The following FGFRL1 variants were observed in gnomAD, a reference collection of about 807,000 sequenced individuals.
FGFRL1 encodes fibroblast growth factor receptor like 1, also known as fibroblast growth factor receptor-like 1.
In FGFRL1, 24 loss-of-function variants were observed where a neutral mutation model predicts 36.8. The ratio of observed to expected loss-of-function variants is 0.65; its 90% CI spans 0.47 to 0.92. The LOEUF is 0.92. Among genes scored for constraint, FGFRL1 ranks in the 40% least tolerant of loss-of-function variants. The pLI is 0.00. For missense variants in FGFRL1, 785 were observed against 753.4 expected (o/e 1.04, Z -0.49); for synonymous variants, 422 against 344.1 (o/e 1.23, Z -2.50).
chr4:1,016,273 C>T (rs909278306), intron 2 of FGFRL1, among the ~76,000 whole-genome samples: 3 of 151,650 alleles, frequency 2.0e-5, no homozygotes, highest in Non-Finnish European at 4.4e-5. Flanking sequence ...CTGCCAAGGT[C>T]TGCAGGCAGA....
At chr4:1,014,838 C>T (rs780443951) in intron 2 of FGFRL1, among the ~76,000 whole-genome samples, 1 of 152,180 alleles carries the variant, frequency 6.6e-6, no homozygotes, top group African/African-American at 2.4e-5. Flanking sequence ...GGGCCCCACT[C>T]CTGGAAGGGA....
chr4:1,014,123 C>T (rs1200610380), intron 2 of FGFRL1, among the ~76,000 whole-genome samples: 1 of 152,358 alleles, frequency 6.6e-6, no homozygotes, highest in East Asian at 1.9e-4. Flanking sequence ...GGCCAAGGAC[C>T]AGCATGCAGA....
chr4:1,025,091 C>A lies in FGFRL1; in HGVS notation c.1259C>A (p.Pro420Gln), dbSNP rs375985073. ...CCTCCCCTGCCTGGGCACCGCCCGC[C>A]GGGGACGGCCCGCGACCGCAGCGGA... ...PAPPLPGHRPPGTARDRSGDK... is the reference protein window; with the variant it reads ...PAPPLPGHRPQGTARDRSGDK... The change falls in exon 7 of 7, where the codon CCG (proline) becomes CAG (glutamine). Residue 420 changes from proline (P) to glutamine (Q), a missense_variant. Physicochemically the swap from Pro to Gln is moderately conservative, Grantham distance 76. Transcript: ENST00000510644. 5.2e-5 allele frequency: 83 copies of A among 1,610,296 alleles called. No individual in the cohort carries two copies. The African/African-American group carries it at 9.5e-4, about 18-fold the overall frequency.
At position 1,025,232 on chromosome 4, in the gene FGFRL1, G is replaced by A. The variant is rs764647868; in HGVS notation, c.1400G>A (p.Gly467Asp). 5 of 1,608,896 alleles carry A rather than the reference G, an allele frequency of 3.1e-6. No individual in the cohort carries two copies. The highest frequency in any genetic ancestry group is 4.2e-6 in the Non-Finnish European group (5 of 1,178,252). The part of the protein sequence containing the change: ...QHLLGPGPVA[G>D]PKLYPKLYTD... ...TTACTGGGCCCAGGCCCAGTTGCTG[G>A]CCCTAAGTTGTACCCCAAACTCTAC... The change falls in exon 7 of 7, where the codon GGC becomes GAC. Residue 467 changes from glycine to aspartate, a missense_variant. Gly to Asp is a moderately conservative substitution (Grantham distance 94). Transcript: ENST00000510644.
intron 2 of FGFRL1, among the ~76,000 whole-genome samples, chr4:1,015,391 G>T (rs557841133): frequency 6.6e-6 from 1 of 152,206 alleles, no homozygotes; most frequent in Non-Finnish European, 1.5e-5. Flanking sequence ...AAGCCCCAGG[G>T]TGCCTGGCTG....
At chr4:1,012,436 C>T (rs1715641189) in intron 1 of FGFRL1, 34 bp from the exon 2 acceptor site, 3 of 1,573,000 alleles carry the variant, frequency 1.9e-6, no homozygotes, top group African/African-American at 1.4e-5. Context: ...CTCCCAGTTC[C>T]ACGTGTTAGT....
Position 1,026,159 on chromosome 4 carries a change from A to G in FGFRL1, c.*812A>G, listed in dbSNP as rs1008164091. ...ACACGTGCAGATATTGCCTGGACAC[A>G]CACATGTGCACAGATATGCTGTCTG... On this transcript the variant is annotated 3_prime_UTR_variant, in exon 7 of 7. Coordinates refer to ENST00000510644, the MANE Select transcript of FGFRL1 (RefSeq NM_001004356.3). 1 of 156,088 alleles carries G rather than the reference A, an allele frequency of 6.4e-6. No homozygotes were observed. The highest frequency in any genetic ancestry group is 2.4e-5 in the African/African-American group (1 of 41,214). The allele number at this position is 156,088 out of a possible 1,614,324, so 9.7% of individuals were successfully genotyped here.
In FGFRL1 at chr4:1,022,283, G is replaced by A. The variant is rs766480123; in HGVS notation, c.160G>A (p.Glu54Lys). 18 of 1,591,208 alleles carry A rather than the reference G, an allele frequency of 1.1e-5. No homozygotes were observed. In the South Asian group the frequency reaches 1.8e-4, roughly 16 times the overall value. The change falls in exon 3 of 7, where the codon GAG becomes AAG. Residue 54 changes from glutamate (E) to lysine (K), a missense_variant. Physicochemically the swap from Glu to Lys is moderately conservative, Grantham distance 56. Coordinates refer to ENST00000510644, the MANE Select transcript of FGFRL1 (RefSeq NM_001004356.3). The stretch of plus-strand genomic sequence containing the variant: ...CACTGTGCGGCTGCAGTGCCCAGTG[G>A]AGGGGGACCCGCCGCCGCTGACCAT... ...GRTVRLQCPVEGDPPPLTMWT... is the reference protein window; with the variant it reads ...GRTVRLQCPVKGDPPPLTMWT...
At position 1,023,992 on chromosome 4, in the gene FGFRL1, G is replaced by A. The variant is rs547516754; in HGVS notation, c.609G>A (p.Lys203=). The A allele has an allele frequency of 1.2e-6, 2 of 1,606,490 alleles. No individual in the cohort carries two copies. Among genetic ancestry groups the A allele is most frequent in the South Asian group, 2.2e-5 (2 of 90,244 alleles). Residue 203 remains lysine, a synonymous_variant, in exon 5 of 7, where the codon AAG becomes AAA. Coordinates refer to ENST00000510644, the MANE Select transcript of FGFRL1 (RefSeq NM_001004356.3). The surrounding 1 kb of genome is among the most constrained non-coding windows in gnomAD (Gnocchi z 6.0). The part of the protein sequence containing the change: ...RPEAAEPRKK[K]WTLSLKNLRP... ...AGGCCGCTGAGCCCAGGAAGAAGAA[G>A]TGGACACTGAGCCTGAAGAACCTGC...
chr4:1,011,417 G>GCCGGAC (rs992169815), upstream of FGFRL1: 2 of 134,302 alleles, frequency 1.5e-5, no homozygotes, highest in East Asian at 2.5e-4. Flanking sequence ...CGGGGGCGGG[G>GCCGGAC]CCGGACCCGG....
In FGFRL1 at chr4:1,024,312, G is replaced by A. The variant is rs1716376008; in HGVS notation, c.720G>A (p.Gln240=). The A allele has an allele frequency of 1.9e-6, 3 of 1,595,380 alleles. No homozygotes were observed. Among genetic ancestry groups the A allele is most frequent in the Non-Finnish European group, 2.6e-6 (3 of 1,170,048 alleles). Residue 240 remains glutamine (Q), a splice_region_variant and synonymous_variant, in exon 6 of 7, where the codon CAG becomes CAA. Coordinates refer to ENST00000510644, the MANE Select transcript of FGFRL1 (RefSeq NM_001004356.3). ...TGCCCGCGTGCCACGTTCCCACAGAGCGGACCCGTTCCAAGCCCGTGCTCA... is the reference window on the plus strand; with the variant it reads ...TGCCCGCGTGCCACGTTCCCACAGAACGGACCCGTTCCAAGCCCGTGCTCA... ...INATYKVDVI[Q]RTRSKPVLTG... is the part of the protein sequence containing the mutation.
rs1485696742 is a variant in FGFRL1 at position 1,025,756 on chromosome 4, C to T, written c.*409C>T. On this transcript the variant is annotated 3_prime_UTR_variant, in exon 7 of 7. Coordinates refer to ENST00000510644, the MANE Select transcript of FGFRL1 (RefSeq NM_001004356.3). The stretch of plus-strand genomic sequence containing the variant: ...ACACACACACACACGGATATGCTGT[C>T]TGGACGCACACACGTGCAGATATGG... The T allele has an allele frequency of 3.2e-5, 9 of 279,328 alleles. No individual in the cohort carries two copies. The highest frequency in any genetic ancestry group is 5.4e-5 in the Non-Finnish European group (8 of 146,898). The allele number at this position is 279,328 out of a possible 1,614,324, so 17.3% of individuals were successfully genotyped here. A position where few individuals can be genotyped will look rare whatever the true frequency, so the allele number is the denominator to read the frequency against.
At chr4:1,017,001 C>T (rs1268422822) in intron 2 of FGFRL1, among the ~76,000 whole-genome samples, 7 of 152,228 alleles carry the variant, frequency 4.6e-5, no homozygotes, top group African/African-American at 1.2e-4. Flanking sequence ...TCTCGGTAAC[C>T]GGGTGGGGGG....
rs117864192 is a variant in FGFRL1, at chr4:1,013,222, C to A, written c.79+658C>A. Among the ~76,000 whole-genome samples, 204 of 152,364 alleles carry A rather than the reference C, an allele frequency of 1.3e-3. 5 individuals are homozygous for A. The East Asian group carries it at 0.038, about 28-fold the overall frequency. On this transcript the variant is annotated intron_variant, in intron 2 of 6. Coordinates refer to ENST00000510644, the MANE Select transcript of FGFRL1 (RefSeq NM_001004356.3). The stretch of plus-strand genomic sequence containing the variant: ...ACCGACATCTAAGTGGCAGCCATGC[C>A]CTGGGACCCAGCCCCAGCAAGGACA...
chr4:1,010,631 G>C (rs1221406539), upstream of FGFRL1, among the ~76,000 whole-genome samples: 3 of 152,196 alleles, frequency 2.0e-5, no homozygotes, highest in African/African-American at 7.2e-5. Flanking sequence ...GCGGAGTCGA[G>C]GGTGTGAGGC....
At chr4:1,013,855 A>T (rs1715742125) in intron 2 of FGFRL1, among the ~76,000 whole-genome samples, 1 of 152,214 alleles carries the variant, frequency 6.6e-6, no homozygotes, top group African/African-American at 2.4e-5. Context: ...CCCAGCGGCC[A>T]CCCCCTTCGC....
rs541057534 is a variant in FGFRL1 at position 1,019,792 on chromosome 4, A to C, written c.80-2411A>C. Among the ~76,000 whole-genome samples the C allele has an allele frequency of 2.6e-3, 402 of 152,262 alleles. 1 individual carries two copies. Among genetic ancestry groups the C allele is most frequent in the African/African-American group, 9.2e-3 (381 of 41,556 alleles). On this transcript the variant is annotated intron_variant, in intron 2 of 6. Coordinates refer to ENST00000510644, the MANE Select transcript of FGFRL1 (RefSeq NM_001004356.3). ...GGGTGGGAGGGTCCTGAGTTGAGGGAGAGACGTGAGTCAGAGAAGAGACCC... is the reference window on the plus strand; with the variant it reads ...GGGTGGGAGGGTCCTGAGTTGAGGGCGAGACGTGAGTCAGAGAAGAGACCC...
chr4:1,012,812 C>T (rs906275631), intron 2 of FGFRL1, among the ~76,000 whole-genome samples: 2 of 152,244 alleles, frequency 1.3e-5, no homozygotes, highest in African/African-American at 4.8e-5. Flanking sequence ...GGGCTTTAGT[C>T]CTGGCTCCCC....
chr4:1,012,810 G>A (rs1715673289), intron 2 of FGFRL1, among the ~76,000 whole-genome samples: 1 of 152,236 alleles, frequency 6.6e-6, no homozygotes, highest in Admixed American at 6.5e-5. Context: ...GTGGGCTTTA[G>A]TCCTGGCTCC....
Sources: gnomAD v4.1 joint callset for allele counts (sites outside exome capture counted in the v4.1 genomes callset) on GRCh38, gnomAD v4.1.1 for gene constraint, Gnocchi (gnomAD v3.1) non-coding constraint, MANE v1.5 for transcripts, NCBI Gene and HGNC (gene_info 2026-07-23, HGNC 2026-07-21) for gene names.